The following RTL9 variants were observed in gnomAD, a reference collection of about 807,000 sequenced individuals.
RTL9 encodes retrotransposon Gag-like protein 9.
RTL9 carries 19 observed loss-of-function variants against 44.7 expected under a neutral mutation model. The ratio of observed to expected loss-of-function variants is 0.42; its 90% CI spans 0.30 to 0.62. The LOEUF (loss-of-function observed/expected upper bound fraction) is 0.62, where lower values mean the gene tolerates loss of function less well. RTL9 is among the 20% of genes least tolerant of loss of function. The pLI is 0.16. For synonymous variants in RTL9, 407 were observed against 398.9 expected, an observed-to-expected ratio of 1.02 and a Z score of -0.24; for missense variants, 1,105 against 1,080.6, an observed-to-expected ratio of 1.02 and a Z score of -0.32.
intron 1 of RTL9, among the ~76,000 whole-genome samples, chrX:110,361,113 C>G (rs148579210): frequency 1.2e-4 from 13 of 110,676 alleles, no homozygotes; most frequent in African/African-American, 4.3e-4. Context: ...TGCCCACAAC[C>G]CCCAACAAAA....
In RTL9 at chrX:110,377,905, A is replaced by C. The variant is rs753336100; in HGVS notation, c.-168+18989A>C. 1.2e-4 allele frequency among the ~76,000 whole-genome samples: 12 copies of C among 102,526 alleles called. No individual in the cohort carries two copies. The East Asian group carries it at 3.8e-3, about 33-fold the overall frequency. 89.0% of individuals were successfully genotyped at this position (102,526 alleles called of 115,157 possible). On this transcript the variant is annotated intron_variant, in intron 1 of 2. Coordinates refer to the RTL9 transcript ENST00000520821. ...GCCCCTGTAGTCCCAGCTACTCGGG[A>C]GGCTGAGGCAGGAGAATGGCGTGAA...
chrX:110,454,590 C>G (rs1434272295), exon 1 of RTL9: 1 of 1,211,661 alleles, frequency 8.3e-7, no homozygotes, highest in Non-Finnish European at 1.1e-6. Flanking sequence ...AAGCCAGGTT[C>G]TGCCAACAGC....
intron 1 of RTL9, among the ~76,000 whole-genome samples, chrX:110,382,765 C>T (rs1054202161): frequency 8.9e-6 from 1 of 111,966 alleles, no homozygotes; most frequent in Admixed American, 9.4e-5. Flanking sequence ...TGAATCAAAG[C>T]CCTTCTCCCC....
At chrX:110,442,717 C>G (rs2068889509) in intron 1 of RTL9, among the ~76,000 whole-genome samples, 1 of 111,649 alleles carries the variant, frequency 9.0e-6, no homozygotes, top group South Asian at 3.8e-4. Flanking sequence ...CCACAAGCCC[C>G]TTCTAAGGAG....
intron 1 of RTL9, among the ~76,000 whole-genome samples, chrX:110,423,912 G>A (rs187034009): frequency 1.4e-3 from 154 of 112,436 alleles, no homozygotes; most frequent in South Asian, 9.7e-3. Flanking sequence ...CTCCTCTCAG[G>A]CAGATGCTAA....
intron 1 of RTL9, among the ~76,000 whole-genome samples, chrX:110,441,592 A>T (rs934197779): frequency 2.7e-5 from 3 of 112,428 alleles, no homozygotes; most frequent in Non-Finnish European, 5.6e-5. Context: ...ATTTTAGAAA[A>T]GCAATGTGGT....
chrX:110,429,955 A>C (rs1377172714), intron 1 of RTL9, among the ~76,000 whole-genome samples: 2 of 111,865 alleles, frequency 1.8e-5, no homozygotes, highest in African/African-American at 6.5e-5. Flanking sequence ...TGTTCTTTGT[A>C]ATTTTGGATT....
chrX:110,369,248 C>A (rs1277903303), intron 1 of RTL9, among the ~76,000 whole-genome samples: 3 of 111,161 alleles, frequency 2.7e-5, no homozygotes, highest in African/African-American at 6.6e-5. Context: ...AGGAGAATTG[C>A]TTGAACCCGG....
rs146140155 is a variant in RTL9, at chrX:110,452,009, C to T, written c.1392C>T (p.Ser464=). 1.2e-3 allele frequency: 1,495 copies of T among 1,210,096 alleles called. 2 individuals carry two copies. Among genetic ancestry groups the T allele is most frequent in the Middle Eastern group, 1.6e-3 (7 of 4,355 alleles). ...CAGCCACAGCCTCTAGAGTAATGTCCGCACAGTTAACAATGGCCAAAACTT... is the reference window on the plus strand; with the variant it reads ...CAGCCACAGCCTCTAGAGTAATGTCTGCACAGTTAACAATGGCCAAAACTT... Residue 464 remains serine (S), a synonymous_variant, in exon 1 of 2, where the codon TCC becomes TCT. Coordinates refer to ENST00000540313, the Ensembl canonical transcript of RTL9.
intron 1 of RTL9, among the ~76,000 whole-genome samples, chrX:110,368,330 C>T (rs890974946): frequency 9.0e-6 from 1 of 111,148 alleles, no homozygotes; most frequent in African/African-American, 3.3e-5. Context: ...GAGTGACCTA[C>T]AAGATTCTAC....
chrX:110,361,102 C>T (rs945055529), intron 1 of RTL9, among the ~76,000 whole-genome samples: 4 of 110,753 alleles, frequency 3.6e-5, no homozygotes, highest in Non-Finnish European at 5.7e-5. Context: ...AAAACTGCCC[C>T]TGCCCACAAC....
At chrX:110,431,354 T>C (rs1024177188) in intron 1 of RTL9, among the ~76,000 whole-genome samples, 1 of 108,777 alleles carries the variant, frequency 9.2e-6, no homozygotes, top group Admixed American at 9.8e-5. Context: ...TGTGTGTGTG[T>C]GCTGGCTGAG....
intron 1 of RTL9, among the ~76,000 whole-genome samples, chrX:110,383,294 A>G (rs142748065): frequency 0.01 from 1,161 of 111,109 alleles, 9 homozygotes; most frequent in Middle Eastern, 0.032. Context: ...CAAAGAGTAT[A>G]AACTTCATAC....
In RTL9 at chrX:110,437,803, G is replaced by A. The variant is rs144540495; in HGVS notation, c.-167-7350G>A. Among the ~76,000 whole-genome samples the A allele has an allele frequency of 4.5e-5, 5 of 110,952 alleles. No homozygotes were observed. The East Asian group carries it at 1.4e-3, about 31-fold the overall frequency. On this transcript the variant is annotated intron_variant, in intron 1 of 3. Transcript: ENST00000465301. ...CTGAAGAAATGCCAGGATTGAGGGG[G>A]CAGCAGATTGTTAGATCTGTTTGTT...
chrX:110,397,663 C>T (rs2068536940), intron 1 of RTL9, among the ~76,000 whole-genome samples: 1 of 111,148 alleles, frequency 9.0e-6, no homozygotes, highest in African/African-American at 3.3e-5. Flanking sequence ...TGGTTTCTCT[C>T]TCCCTTTTGC....
intron 1 of RTL9, among the ~76,000 whole-genome samples, chrX:110,402,765 T>C (rs1205473851): frequency 8.9e-6 from 1 of 112,178 alleles, no homozygotes; most frequent in Non-Finnish European, 1.9e-5. Context: ...AAGAGGGCTT[T>C]AGTTATTTTT....
chrX:110,430,426 A>T (rs1176457209), intron 1 of RTL9, among the ~76,000 whole-genome samples: 1 of 112,515 alleles, frequency 8.9e-6, no homozygotes, highest in Non-Finnish European at 1.9e-5. Flanking sequence ...TATTATCTTC[A>T]CATTACAGAG....
intron 1 of RTL9, among the ~76,000 whole-genome samples, chrX:110,433,693 G>A (rs1463342900): frequency 9.0e-6 from 1 of 111,549 alleles, no homozygotes; most frequent in African/African-American, 3.3e-5. Flanking sequence ...AAAGAGCTTA[G>A]GACAGTGACA....
Position 110,436,651 on chromosome X carries a change from C to T in RTL9, c.-167-8502C>T, listed in dbSNP as rs776189635. On this transcript the variant is annotated intron_variant, in intron 1 of 3. Transcript: ENST00000465301. Reference sequence around the variant, plus strand: ...CACAGAAAGCTGAGCTCCTTGTCACCACATACCTTGAAAGAGTGGACTCTG... The same window carrying T: ...CACAGAAAGCTGAGCTCCTTGTCACTACATACCTTGAAAGAGTGGACTCTG... Among the ~76,000 whole-genome samples the T allele has an allele frequency of 2.7e-5, 3 of 111,848 alleles. No individual in the cohort carries two copies. The South Asian group carries it at 1.1e-3, about 43-fold the overall frequency.
Sources: gnomAD v4.1 joint callset for allele counts (sites outside exome capture counted in the v4.1 genomes callset) on GRCh38, gnomAD v4.1.1 for gene constraint, MANE v1.5 for transcripts, NCBI Gene and HGNC (gene_info 2026-07-23, HGNC 2026-07-21) for gene names.